The following STARD13 variants were observed in gnomAD, a reference collection of about 807,000 sequenced individuals.
STARD13 encodes StAR related lipid transfer domain containing 13, also known as stAR-related lipid transfer protein 13.
A neutral mutation model predicts 106.4 loss-of-function variants in STARD13; 62 were observed. The ratio of observed to expected loss-of-function variants is 0.58; its 90% CI spans 0.48 to 0.72. The LOEUF (loss-of-function observed/expected upper bound fraction) is 0.72, where lower values mean the gene tolerates loss of function less well. STARD13 is among the 30% of genes least tolerant of loss of function. STARD13 has a pLI of 0.00. For synonymous variants in STARD13, 565 were observed against 553.0 expected, an observed-to-expected ratio of 1.02 and a Z score of -0.31; for missense variants, 1,387 against 1,424.0, an observed-to-expected ratio of 0.97 and a Z score of 0.42.
chr13:33,447,617 A>T, the STARD13 span, among the ~76,000 whole-genome samples: 1 of 152,216 alleles, frequency 6.6e-6, no homozygotes. Flanking sequence ...AGTATAAAAC[A>T]TATGTCATAT....
the STARD13 span, among the ~76,000 whole-genome samples, chr13:33,502,428 A>G: frequency 2.0e-5 from 3 of 152,192 alleles, no homozygotes; most frequent in African/African-American, 7.2e-5. Context: ...TATGTTGAAT[A>G]GGAGTGGTGA....
At chr13:33,581,334 A>G in the STARD13 span, among the ~76,000 whole-genome samples, 22 of 152,204 alleles carry the variant, frequency 1.4e-4, no homozygotes, top group African/African-American at 5.1e-4. Flanking sequence ...AAAAATGTTC[A>G]AAGAATTTCA....
chr13:33,478,788 C>T, the STARD13 span, among the ~76,000 whole-genome samples: 2 of 152,170 alleles, frequency 1.3e-5, no homozygotes, highest in East Asian at 1.9e-4. Flanking sequence ...TGGTGGCATG[C>T]ACCTGTAGTC....
At chr13:33,385,034 G>A in the STARD13 span, among the ~76,000 whole-genome samples, 11 of 145,160 alleles carry the variant, frequency 7.6e-5, no homozygotes, top group East Asian at 2.0e-4. Flanking sequence ...AGAAAGGTTC[G>A]GAATATATAT....
the STARD13 span, among the ~76,000 whole-genome samples, chr13:33,477,597 G>T: frequency 6.6e-6 from 1 of 152,136 alleles, no homozygotes; most frequent in African/African-American, 2.4e-5. Context: ...TGGGATGGGA[G>T]GTCAGACATG....
the STARD13 span, among the ~76,000 whole-genome samples, chr13:33,653,757 A>G: frequency 6.6e-6 from 1 of 152,084 alleles, no homozygotes; most frequent in African/African-American, 2.4e-5. Flanking sequence ...AAAATTGAGG[A>G]AGATATTTGT....
the STARD13 span, among the ~76,000 whole-genome samples, chr13:33,557,667 A>C: frequency 6.6e-6 from 1 of 152,158 alleles, no homozygotes; most frequent in Non-Finnish European, 1.5e-5. Context: ...TTTATTGCTT[A>C]CTGAAAACTC....
the STARD13 span, among the ~76,000 whole-genome samples, chr13:33,439,244 A>G: frequency 6.6e-6 from 1 of 152,396 alleles, no homozygotes; most frequent in South Asian, 2.1e-4. Flanking sequence ...GCTGCCAAGT[A>G]TTCAGATTTA....
chr13:33,219,511 T>C (rs1352380876), intron 1 of STARD13, among the ~76,000 whole-genome samples: 2 of 95,956 alleles, frequency 2.1e-5, no homozygotes, highest in Non-Finnish European at 3.7e-5. Context: ...AGAGTGAGAC[T>C]CCTTCTCAAA....
chr13:33,479,152 T>C, the STARD13 span, among the ~76,000 whole-genome samples: 8 of 152,238 alleles, frequency 5.3e-5, no homozygotes, highest in African/African-American at 1.9e-4. Context: ...GTCTTGCTCA[T>C]AAGATAAATG....
the STARD13 span, among the ~76,000 whole-genome samples, chr13:33,551,568 CCTTTTTTTTTTTTTTTT>C: frequency 2.1e-3 from 92 of 44,792 alleles, 13 homozygotes; most frequent in African/African-American, 6.8e-3. Context: ...TTTGCTTTTC[CCTTTTTTTTTTTTTTTT>C]TTTTTTTTTT....
At chr13:33,272,031 G>A (rs554434359) in intron 1 of STARD13, among the ~76,000 whole-genome samples, 1 of 152,154 alleles carries the variant, frequency 6.6e-6, no homozygotes, top group South Asian at 2.1e-4. Flanking sequence ...CATCTGTTAG[G>A]TCTTACTATG....
chr13:33,383,372 C>T, the STARD13 span, among the ~76,000 whole-genome samples: 2 of 151,588 alleles, frequency 1.3e-5, no homozygotes, highest in South Asian at 2.1e-4. Flanking sequence ...ATGTGAGACC[C>T]TGTGTCAAAA....
At chr13:33,625,441 A>T in the STARD13 span, among the ~76,000 whole-genome samples, 3 of 151,054 alleles carry the variant, frequency 2.0e-5, no homozygotes, top group African/African-American at 7.3e-5. Flanking sequence ...GTGGTGGCAC[A>T]CGCCTGTAGT....
At chr13:33,465,275 G>A in the STARD13 span, among the ~76,000 whole-genome samples, 1 of 143,294 alleles carries the variant, frequency 7.0e-6, no homozygotes, top group Non-Finnish European at 1.5e-5. Context: ...GCGCGATCTC[G>A]GCTCACTGCA....
At chr13:33,607,618 C>T in the STARD13 span, among the ~76,000 whole-genome samples, 11 of 151,758 alleles carry the variant, frequency 7.2e-5, 1 homozygote, top group South Asian at 6.3e-4. Context: ...TCTGATGGTG[C>T]AAATTGGAGG....
chr13:33,651,814 G>A, the STARD13 span, among the ~76,000 whole-genome samples: 3 of 152,198 alleles, frequency 2.0e-5, no homozygotes, highest in South Asian at 4.1e-4. Context: ...TCTGCAAGAA[G>A]TCCTTCCACT....
intron 1 of STARD13, among the ~76,000 whole-genome samples, chr13:33,186,395 C>T (rs544828276): frequency 7.9e-5 from 12 of 152,158 alleles, no homozygotes; most frequent in Admixed American, 4.6e-4. Context: ...AGAAACAGTG[C>T]GATTTCTATC....
the STARD13 span, among the ~76,000 whole-genome samples, chr13:33,631,750 T>C: frequency 6.6e-6 from 1 of 152,214 alleles, no homozygotes; most frequent in Non-Finnish European, 1.5e-5. Context: ...TTACTTTATT[T>C]CTTTAAATAT....
Sources: gnomAD v4.1 joint callset for allele counts (sites outside exome capture counted in the v4.1 genomes callset) on GRCh38, gnomAD v4.1.1 for gene constraint, MANE v1.5 for transcripts, NCBI Gene and HGNC (gene_info 2026-07-23, HGNC 2026-07-21) for gene names.